Variants in HDHD2 observed in about 807,000 individuals in gnomAD.
The protein encoded by HDHD2 is haloacid dehalogenase like hydrolase domain containing 2.
A neutral mutation model predicts 24.8 loss-of-function variants in HDHD2; 26 were observed. The ratio of observed to expected loss-of-function variants is 1.05; its 90% CI spans 0.77 to 1.45. The LOEUF (loss-of-function observed/expected upper bound fraction) is 1.45, where lower values mean the gene tolerates loss of function less well. HDHD2 is among the 40% of genes most tolerant of loss of function. The probability of loss-of-function intolerance (pLI) is 0.00; values close to 1 mark genes in which losing one functional copy is unlikely to be tolerated. For synonymous variants in HDHD2, 128 were observed against 114.9 expected (o/e 1.11, Z -0.73); for missense variants, 299 against 313.4 (o/e 0.95, Z 0.35).
chr18:47,136,729 T>A (rs2063770239), intron 1 of HDHD2, among the ~76,000 whole-genome samples: 1 of 152,230 alleles, frequency 6.6e-6, no homozygotes, highest in African/African-American at 2.4e-5. Flanking sequence ...TTCAGGTTTT[T>A]AAAAAGAACT....
chr18:47,125,600 G>A (rs1345278929), intron 4 of HDHD2, among the ~76,000 whole-genome samples: 2 of 152,068 alleles, frequency 1.3e-5, no homozygotes, highest in Admixed American at 1.3e-4. Context: ...CAAAGTACTG[G>A]TACACGCAAA....
intron 1 of HDHD2, among the ~76,000 whole-genome samples, chr18:47,144,092 T>C (rs568739974): frequency 1.3e-5 from 2 of 151,952 alleles, no homozygotes; most frequent in South Asian, 2.1e-4. Context: ...TCTGCACGCA[T>C]GCGCATGTGT....
At chr18:47,126,328 T>C (rs1000362840) in intron 4 of HDHD2, among the ~76,000 whole-genome samples, 1 of 152,196 alleles carries the variant, frequency 6.6e-6, no homozygotes, top group African/African-American at 2.4e-5. Flanking sequence ...TACTGTCTGT[T>C]TGTCTTGTTC....
At chr18:47,142,695 G>A (rs1212517275) in intron 1 of HDHD2, among the ~76,000 whole-genome samples, 4 of 152,128 alleles carry the variant, frequency 2.6e-5, no homozygotes, top group Admixed American at 2.6e-4. Flanking sequence ...AAATATTTAA[G>A]TAATGAACAA....
chr18:47,129,501 C>T (rs1453686629), intron 4 of HDHD2, among the ~76,000 whole-genome samples: 1 of 152,124 alleles, frequency 6.6e-6, no homozygotes, highest in African/African-American at 2.4e-5. Context: ...CCTTGACTCA[C>T]TCTTCTACTT....
intron 2 of HDHD2, among the ~76,000 whole-genome samples, chr18:47,135,378 C>T (rs1353064903): frequency 1.3e-5 from 2 of 151,672 alleles, no homozygotes; most frequent in African/African-American, 2.4e-5. Context: ...TCTCCTGCCT[C>T]AGCCTCCCTA....
chr18:47,115,242 A>T lies in HDHD2; in HGVS notation c.502T>A (p.Tyr168Asn). 1 of 1,613,942 alleles carries T rather than the reference A, an allele frequency of 6.2e-7. No individual in the cohort carries two copies. Among genetic ancestry groups the T allele is most frequent in the Non-Finnish European group, 8.5e-7 (1 of 1,179,906 alleles). The stretch of plus-strand genomic sequence containing the variant: ...ACTGTGGCTTTGGTATCTGTGGCAT[A>T]CTCTAAAGCAGTCACAAATGGTCCA... ...GPGPFVTALE[Y>N]ATDTKATVVG... Residue 168 changes from tyrosine (Y) to asparagine (N), a missense_variant, in exon 5 of 7, where the codon TAT becomes AAT. Coordinates refer to ENST00000300605, the MANE Select transcript of HDHD2 (RefSeq NM_032124.5).
rs1190152893 is a variant in HDHD2, at chr18:47,136,401, A to G, written c.39T>C (p.Asp13=). 1 of 1,613,126 alleles carries G rather than the reference A, an allele frequency of 6.2e-7. No homozygotes were observed. Among genetic ancestry groups the G allele is most frequent in the Admixed American group, 1.7e-5 (1 of 60,026 alleles). ...CTTCAATGTGAAGTGTGCCACTGAG[A>G]TCTACCAAAACAGCTTTTAATGCAC... ...ACRALKAVLV[D]LSGTLHIEDA... is the part of the protein sequence containing the mutation. The change falls in exon 2 of 7, where the codon GAT becomes GAC. Residue 13 remains aspartate, a synonymous_variant. Coordinates refer to ENST00000300605, the MANE Select transcript of HDHD2 (RefSeq NM_032124.5).
intron 1 of HDHD2, among the ~76,000 whole-genome samples, chr18:47,148,180 G>A (rs1047321887): frequency 1.3e-5 from 2 of 151,864 alleles, no homozygotes; most frequent in Admixed American, 6.6e-5. Context: ...TAGTAGAGAC[G>A]GGGTTTCACC....
At chr18:47,144,418 G>A (rs1168228425) in intron 1 of HDHD2, among the ~76,000 whole-genome samples, 1 of 152,104 alleles carries the variant, frequency 6.6e-6, no homozygotes, top group African/African-American at 2.4e-5. Context: ...TTGAAACATG[G>A]CCCAAAGGGG....
At chr18:47,148,306 C>T (rs922657615) in intron 1 of HDHD2, among the ~76,000 whole-genome samples, 49 of 152,252 alleles carry the variant, frequency 3.2e-4, no homozygotes, top group African/African-American at 9.9e-4. Context: ...ATGTATAATA[C>T]TCGTTACCTG....
chr18:47,115,636 A>G (rs1211904379), intron 4 of HDHD2, among the ~76,000 whole-genome samples: 1 of 152,174 alleles, frequency 6.6e-6, no homozygotes, highest in Non-Finnish European at 1.5e-5. Context: ...GAGAATTAAG[A>G]GAACTAAAGC....
At chr18:47,146,861 C>A (rs2063876123) in intron 1 of HDHD2, among the ~76,000 whole-genome samples, 1 of 152,100 alleles carries the variant, frequency 6.6e-6, no homozygotes, top group African/African-American at 2.4e-5. Context: ...TGATTACCCT[C>A]CAGAGGACAG....
intron 4 of HDHD2, 109 bp from the exon 5 acceptor site, chr18:47,115,457 A>T: frequency 1.5e-6 from 1 of 664,560 alleles, no homozygotes; most frequent in Non-Finnish European, 2.6e-6. Context: ...ACAGAAACAA[A>T]TAGTTTCTTA....
intron 4 of HDHD2, among the ~76,000 whole-genome samples, chr18:47,128,763 G>A (rs1599942893): frequency 6.6e-6 from 1 of 152,184 alleles, no homozygotes; most frequent in South Asian, 2.1e-4. Context: ...GTGCACACAC[G>A]GTAAACGGTG....
chr18:47,145,722 T>A (rs892637619), intron 1 of HDHD2, among the ~76,000 whole-genome samples: 3 of 152,142 alleles, frequency 2.0e-5, no homozygotes, highest in Admixed American at 2.0e-4. Context: ...CTTTCTAAAA[T>A]GAGACATAAA....
intron 1 of HDHD2, among the ~76,000 whole-genome samples, chr18:47,147,104 C>T (rs546603698): frequency 2.2e-4 from 33 of 152,210 alleles, no homozygotes; most frequent in African/African-American, 7.7e-4. Context: ...CTAAATTAGT[C>T]CAGTAGTCCA....
At chr18:47,138,051 A>T (rs2063783430) in intron 1 of HDHD2, among the ~76,000 whole-genome samples, 1 of 151,798 alleles carries the variant, frequency 6.6e-6, no homozygotes, top group African/African-American at 2.4e-5. Context: ...CTGTAATCCC[A>T]GCTACTAGGG....
chr18:47,149,256 A>C (rs1292896126), intron 1 of HDHD2: 4 of 152,212 alleles, frequency 2.6e-5, no homozygotes, highest in African/African-American at 9.6e-5. Context: ...CATATTATTC[A>C]AAACTTGCAT....
Sources: allele counts gnomAD v4.1 joint callset (sites outside exome capture counted in the v4.1 genomes callset), GRCh38; gene constraint gnomAD v4.1.1; transcripts MANE v1.5; gene names NCBI Gene and HGNC (gene_info 2026-07-23, HGNC 2026-07-21).